SALL1: variants seen among roughly 807,000 people sequenced by gnomAD.
The protein encoded by SALL1 is spalt like transcription factor 1.
A neutral mutation model predicts 73.1 loss-of-function variants in SALL1; 10 were observed. The ratio of observed to expected loss-of-function variants is 0.14; its 90% CI spans 0.08 to 0.23. The LOEUF (loss-of-function observed/expected upper bound fraction) is 0.23, where lower values mean the gene tolerates loss of function less well. SALL1 is among the 10% of genes least tolerant of loss of function. The pLI, the probability that SALL1 is intolerant of heterozygous loss-of-function variation, is 1.00. For synonymous variants in SALL1, 688 were observed against 689.8 expected (o/e 1.00, Z 0.04); for missense variants, 1,520 against 1,697.3 (o/e 0.90, Z 1.84).
In SALL1 at chr16:51,140,274, C is replaced by T. The variant is rs775639714; in HGVS notation, c.1948G>A (p.Gly650Ser). 19 of 1,614,000 alleles carry T rather than the reference C, an allele frequency of 1.2e-5. No homozygotes were observed. The Admixed American group carries it at 2.0e-4, about 17-fold the overall frequency. ...SVLSSPAADC[G>S]PAGSATTFTN... is the part of the protein sequence containing the mutation. ...AAGGTGGTGGCACTGCCCGCGGGGC[C>T]GCAGTCTGCCGCTGGGGAGCTCAGG... The change falls in exon 2 of 3, where the codon GGC becomes AGC. Residue 650 changes from glycine to serine, a missense_variant. Physicochemically the swap from Gly to Ser is moderately conservative, Grantham distance 56. This residue lies in a region of SALL1 where 276 missense variants were observed against 259.1 expected (regional missense o/e 1.07). Coordinates refer to ENST00000251020, the MANE Select transcript of SALL1 (RefSeq NM_002968.3). This position sits in a 1 kb window ranked among gnomAD's most constrained non-coding sequence, Gnocchi z 5.7.
chr16:51,151,004 A>G (rs1041975405), intron 1 of SALL1, 162 bp downstream of exon 1: 5 of 450,376 alleles, frequency 1.1e-5, no homozygotes, highest in African/African-American at 8.1e-5. Context: ...GGCACATTGA[A>G]AATTAAAAAG....
chr16:51,143,909 A>G (rs898851501), intron 1 of SALL1, among the ~76,000 whole-genome samples: 1 of 152,190 alleles, frequency 6.6e-6, no homozygotes, highest in African/African-American at 2.4e-5. Flanking sequence ...ACCACCAAAC[A>G]AATCTTAGTT....
At chr16:51,151,624 G>T (rs1015331439), upstream of SALL1, among the ~76,000 whole-genome samples, 9 of 151,250 alleles carry the variant, frequency 6.0e-5, no homozygotes, top group Admixed American at 4.6e-4. Flanking sequence ...CCCTCTTTGC[G>T]ACCGCCCGGG....
Position 51,141,782 on chromosome 16 carries a change from G to C in SALL1, c.440C>G (p.Thr147Ser). 1 of 1,612,208 alleles carries C rather than the reference G, an allele frequency of 6.2e-7. No individual in the cohort carries two copies. The highest frequency in any genetic ancestry group is 8.5e-7 in the Non-Finnish European group (1 of 1,179,436). ...GCTGCTGCTGCTGCTGCTTGGGGCGGTACTGCTGTGGCTGCCGCTGGAAGT... is the reference window on the plus strand; with the variant it reads ...GCTGCTGCTGCTGCTGCTTGGGGCGCTACTGCTGTGGCTGCCGCTGGAAGT... ...SGTSSGSHSSTAPSSSSSSSS... is the reference protein window; with the variant it reads ...SGTSSGSHSSSAPSSSSSSSS... The change falls in exon 2 of 3, where the codon ACC becomes AGC. Residue 147 changes from threonine to serine, a missense_variant. This residue lies in a region of SALL1 where 540 missense variants were observed against 567.5 expected (regional missense o/e 0.95). Coordinates refer to ENST00000251020, the MANE Select transcript of SALL1 (RefSeq NM_002968.3). This position sits in a 1 kb window ranked among gnomAD's most constrained non-coding sequence, Gnocchi z 5.4.
Position 51,140,034 on chromosome 16 carries a change from C to T in SALL1, c.2188G>A (p.Gly730Arg). The stretch of plus-strand genomic sequence containing the variant: ...ATCTTACACTTAAAGGGCCTCTCCC[C>T]AGTGTGTGTCCTGTAGTGCATTTTC... ...ALKMHYRTHT[G>R]ERPFKCKICG... is the part of the protein sequence containing the mutation. Residue 730 changes from glycine (G) to arginine (R), a missense_variant, in exon 2 of 3, where the codon GGG (glycine) becomes AGG (arginine). Physicochemically the swap from Gly to Arg is moderately radical, Grantham distance 125. Transcript: ENST00000251020. This position sits in a 1 kb window ranked among gnomAD's most constrained non-coding sequence, Gnocchi z 5.7. 6.2e-7 allele frequency: 1 copy of T among 1,614,214 alleles called. No homozygotes were observed. Among genetic ancestry groups the T allele is most frequent in the Non-Finnish European group, 8.5e-7 (1 of 1,180,048 alleles).
chr16:51,139,758 C>G lies in SALL1; in HGVS notation c.2464G>C (p.Asp822His). Reference protein sequence around the residue: ...SFDEKNFDDLDNFSDENMEDC... With the variant: ...SFDEKNFDDLHNFSDENMEDC... ...TCCATGTTTTCATCAGAGAAGTTGT[C>G]TAGGTCATCAAAATTTTTCTCATCA... The change falls in exon 2 of 3, where the codon GAC (aspartate) becomes CAC (histidine). Residue 822 changes from aspartate to histidine, a missense_variant. This residue lies in a region of SALL1 where 266 missense variants were observed against 275.1 expected (regional missense o/e 0.97). Coordinates refer to ENST00000251020, the MANE Select transcript of SALL1 (RefSeq NM_002968.3). 1 of 1,614,164 alleles carries G rather than the reference C, an allele frequency of 6.2e-7. No homozygotes were observed.
At chr16:51,138,386 A>C (rs1024050913) in intron 2 of SALL1, among the ~76,000 whole-genome samples, 2 of 152,160 alleles carry the variant, frequency 1.3e-5, no homozygotes, top group Non-Finnish European at 2.9e-5. Context: ...TAGGTAAAGC[A>C]ATTCATTTGG....
intron 1 of SALL1, among the ~76,000 whole-genome samples, chr16:51,149,973 G>A (rs886229823): frequency 2.6e-5 from 4 of 152,184 alleles, no homozygotes; most frequent in African/African-American, 9.6e-5. Context: ...CTCCTTGTGC[G>A]TCCTCCCACA....
intron 1 of SALL1, chr16:51,143,239 C>T: frequency 3.7e-6 from 1 of 268,328 alleles, no homozygotes; most frequent in Non-Finnish European, 7.9e-6. Context: ...ATGTTTGTTT[C>T]CATTGGTTGC....
chr16:51,151,073 G>C (rs1004294935), intron 1 of SALL1, 93 bp downstream of exon 1: 1 of 835,490 alleles, frequency 1.2e-6, no homozygotes, highest in African/African-American at 1.7e-5. Flanking sequence ...GGTGAGGTAG[G>C]GGGCGCGGGG....
rs1297554616 is a variant in SALL1 at position 51,139,770 on chromosome 16, A to C, written c.2452T>G (p.Phe818Val). 1.9e-6 allele frequency: 3 copies of C among 1,613,992 alleles called. No individual in the cohort carries two copies. The African/African-American group carries it at 4.0e-5, about 22-fold the overall frequency. ...TCAGAGAAGTTGTCTAGGTCATCAA[A>C]ATTTTTCTCATCAAAGGAACCTGTG... ...SDTGSFDEKNFDDLDNFSDEN... is the reference protein window; with the variant it reads ...SDTGSFDEKNVDDLDNFSDEN... Residue 818 changes from phenylalanine (F) to valine (V), a missense_variant, in exon 2 of 3, where the codon TTT becomes GTT. By Grantham distance (50) the Phe-to-Val change is conservative (BLOSUM62 -1). Around this residue, in one of 7 missense-constraint regions of SALL1, gnomAD observed 266 missense variants for 275.1 expected, o/e 0.97. Coordinates refer to ENST00000251020, the MANE Select transcript of SALL1 (RefSeq NM_002968.3).
rs200139448 is a variant in SALL1, at chr16:51,137,496, G to C, written c.3591C>G (p.Leu1197=). ...NSTPARRGRR[L]SVDGPMTFLG... ...GAAATGTCATGGGGCCATCCACAGA[G>C]AGCCGCCGACCCCGTCGTGCAGGGG... is the stretch of plus-strand genomic sequence containing the variant. Residue 1197 remains leucine (L), a synonymous_variant, in exon 3 of 3, where the codon CTC becomes CTG. Transcript: ENST00000251020. The C allele has an allele frequency of 5.6e-6, 9 of 1,613,846 alleles. No homozygotes were observed. The highest frequency in any genetic ancestry group is 7.6e-6 in the Non-Finnish European group (9 of 1,180,004).
rs112367593 is a variant in SALL1, at chr16:51,147,286, T to A, written c.76+3880A>T. 7.0e-3 allele frequency among the ~76,000 whole-genome samples: 1,061 copies of A among 152,340 alleles called. 5 individuals are homozygous for A. The highest frequency in any genetic ancestry group is 0.018 in the South Asian group (87 of 4,820). On this transcript the variant is annotated intron_variant, in intron 1 of 2. Coordinates refer to ENST00000251020, the MANE Select transcript of SALL1 (RefSeq NM_002968.3). The stretch of plus-strand genomic sequence containing the variant: ...TCATGCCTAACTAGACTTTGCTCAT[T>A]TATGTGTTTGTTTTTTAATATTTTA...
chr16:51,147,174 T>C (rs1006594714), intron 1 of SALL1, among the ~76,000 whole-genome samples: 3 of 152,238 alleles, frequency 2.0e-5, no homozygotes, highest in African/African-American at 7.2e-5. Flanking sequence ...ACGTTGGCAC[T>C]TGTGCCAATG....
At chr16:51,143,343 ATT>A (rs1381347478) in intron 1 of SALL1, 1 of 430,866 alleles carries the variant, frequency 2.3e-6, no homozygotes, top group Non-Finnish European at 4.7e-6. Flanking sequence ...ATGGCTTCCC[ATT>A]GTTTGCCCAG....
Position 51,140,237 on chromosome 16 carries a change from A to G in SALL1, c.1985T>C (p.Leu662Ser). The change falls in exon 2 of 3, where the codon TTG (leucine) becomes TCG (serine). Residue 662 changes from leucine (L) to serine (S), a missense_variant. Leu to Ser is a moderately radical substitution (Grantham distance 145, BLOSUM62 -2). Coordinates refer to ENST00000251020, the MANE Select transcript of SALL1 (RefSeq NM_002968.3). This position sits in a 1 kb window ranked among gnomAD's most constrained non-coding sequence, Gnocchi z 5.7. ...AGSATTFTNP[L>S]LPLMSEQFKA... ...GAACTGCTCGGACATGAGCGGCAAC[A>G]AAGGGTTGGTGAAGGTGGTGGCACT... The G allele has an allele frequency of 1.2e-6, 2 of 1,614,188 alleles. No individual in the cohort carries two copies. Among genetic ancestry groups the G allele is most frequent in the Non-Finnish European group, 1.7e-6 (2 of 1,180,038 alleles).
intron 1 of SALL1, among the ~76,000 whole-genome samples, chr16:51,146,298 C>T (rs1174508338): frequency 1.3e-5 from 2 of 151,938 alleles, no homozygotes; most frequent in African/African-American, 4.8e-5. Flanking sequence ...TGATCCAAGC[C>T]CACCTAATGT....
At chr16:51,145,331 G>A (rs1331146065) in intron 1 of SALL1, among the ~76,000 whole-genome samples, 1 of 152,012 alleles carries the variant, frequency 6.6e-6, no homozygotes, top group Non-Finnish European at 1.5e-5. Flanking sequence ...ATTGCAACTG[G>A]TGACCCCATT....
chr16:51,151,143 AC>A, intron 1 of SALL1, 22 bp downstream of exon 1: 13 of 1,571,918 alleles, frequency 8.3e-6, no homozygotes, highest in Non-Finnish European at 1.1e-5. Context: ...GTGTGTGTCC[AC>A]GGCGCGGGCC....
Sources: allele counts gnomAD v4.1 joint callset (sites outside exome capture counted in the v4.1 genomes callset), GRCh38; gene constraint gnomAD v4.1.1; regional missense constraint gnomAD v4.1.1; non-coding constraint Gnocchi (gnomAD v3.1); transcripts MANE v1.5; gene names NCBI Gene and HGNC (gene_info 2026-07-23, HGNC 2026-07-21).